SCARA5: variants seen among roughly 807,000 people sequenced by gnomAD.
SCARA5 encodes the protein scavenger receptor class A member 5, also known as scavenger receptor class A, member 5 (putative).
SCARA5 carries 45 observed loss-of-function variants against 46.3 expected under a neutral mutation model. That is an observed-to-expected ratio of 0.97 (90% CI 0.76 to 1.24). The LOEUF (loss-of-function observed/expected upper bound fraction) is 1.24. SCARA5 is among the 50% of genes most tolerant of loss of function. The probability of loss-of-function intolerance (pLI) is 0.00; values close to 1 mark genes in which losing one functional copy is unlikely to be tolerated. For synonymous variants in SCARA5, 333 were observed against 306.5 expected (o/e 1.09, Z -0.90); for missense variants, 680 against 689.0 (o/e 0.99, Z 0.15).
chr8:27,966,450 C>G lies in SCARA5; in HGVS notation c.205G>C (p.Val69Leu), dbSNP rs756008254. 3 of 1,613,446 alleles carry G rather than the reference C, an allele frequency of 1.9e-6. No individual in the cohort carries two copies. In the East Asian group the frequency reaches 6.7e-5, roughly 36 times the overall value. Residue 69 changes from valine to leucine, a missense_variant, in exon 3 of 9, where the codon GTC becomes CTC. Physicochemically the swap from Val to Leu is conservative, Grantham distance 32. Coordinates refer to ENST00000354914, the MANE Select transcript of SCARA5 (RefSeq NM_173833.6). Reference protein sequence around the residue: ...KHAVLGLYLLVFLILVGIFIL... With the variant: ...KHAVLGLYLLLFLILVGIFIL... ...AAGATGCCCACAAGAATCAGGAAGACCAGCAGGTAGAGCCCCAGGACAGCA... is the reference window on the plus strand; with the variant it reads ...AAGATGCCCACAAGAATCAGGAAGAGCAGCAGGTAGAGCCCCAGGACAGCA...
Position 27,879,569 on chromosome 8 carries a change from C to T in SCARA5, c.1351G>A (p.Gly451Ser). The T allele has an allele frequency of 1.2e-6, 2 of 1,606,164 alleles. No individual in the cohort carries two copies. Among genetic ancestry groups the T allele is most frequent in the Non-Finnish European group, 1.7e-6 (2 of 1,179,864 alleles). Residue 451 changes from glycine (G) to serine (S), a missense_variant and splice_region_variant, in exon 8 of 9, where the codon GGC becomes AGC. By Grantham distance (56) the Gly-to-Ser change is moderately conservative. Around this residue, in one of 3 missense-constraint regions of SCARA5, gnomAD observed 219 missense variants for 269.5 expected, o/e 0.81. Transcript: ENST00000354914. The stretch of plus-strand genomic sequence containing the variant: ...GTTTTTTGCCCTCAGAGCGCCTTAC[C>T]TTGCCCGAATCGAGCTGTGCGGTAC... ...EVYRTARFGQGTGRIWMDDVA... is the reference protein window; with the variant it reads ...EVYRTARFGQSTGRIWMDDVA...
At chr8:27,906,964 C>CG (rs1807272356) in intron 6 of SCARA5, among the ~76,000 whole-genome samples, 184 bp downstream of exon 6, 2 of 152,168 alleles carry the variant, frequency 1.3e-5, no homozygotes, top group Non-Finnish European at 2.9e-5. Flanking sequence ...GTCACCACAC[C>CG]TGGCTGAGGG....
At chr8:27,897,493 C>T (rs1392438326) in intron 7 of SCARA5, among the ~76,000 whole-genome samples, 5 of 152,260 alleles carry the variant, frequency 3.3e-5, no homozygotes, top group African/African-American at 2.4e-5. Flanking sequence ...CACTGGTTTT[C>T]ATAGATGATT....
chr8:27,957,535 T>C (rs1585512959), intron 3 of SCARA5, among the ~76,000 whole-genome samples: 1 of 152,152 alleles, frequency 6.6e-6, no homozygotes, highest in African/African-American at 2.4e-5. Context: ...AAAGTCACGG[T>C]TTGTACCCTG....
chr8:27,978,930 T>C (rs1168670506), intron 2 of SCARA5, among the ~76,000 whole-genome samples: 1 of 152,130 alleles, frequency 6.6e-6, no homozygotes, highest in African/African-American at 2.4e-5. Flanking sequence ...GGCTCTCTTA[T>C]CCTACTCCAC....
intron 6 of SCARA5, among the ~76,000 whole-genome samples, chr8:27,905,054 C>T (rs558687692): frequency 1.1e-4 from 16 of 152,042 alleles, no homozygotes; most frequent in Admixed American, 7.2e-4. Context: ...AAATCCCACC[C>T]GTTTGTAAAG....
At chr8:27,881,410 T>G (rs147984994) in intron 7 of SCARA5, among the ~76,000 whole-genome samples, 1,839 of 151,044 alleles carry the variant, frequency 0.012, 43 homozygotes, top group African/African-American at 0.043. Flanking sequence ...GCAACATGGA[T>G]GCAGCTGGAG....
At chr8:27,948,713 G>C (rs189455598) in intron 3 of SCARA5, among the ~76,000 whole-genome samples, 4 of 152,194 alleles carry the variant, frequency 2.6e-5, no homozygotes, top group Admixed American at 2.6e-4. Flanking sequence ...TGTGGGACTC[G>C]CTCCAAGACT....
chr8:27,885,138 G>A (rs1806874536), intron 7 of SCARA5, among the ~76,000 whole-genome samples: 1 of 151,970 alleles, frequency 6.6e-6, no homozygotes, highest in Admixed American at 6.6e-5. Flanking sequence ...ACAAGGGAGG[G>A]AATGAGAGGG....
In SCARA5 at chr8:27,882,431, C is replaced by T. The variant is rs1006512597; in HGVS notation, c.1154-2665G>A. On this transcript the variant is annotated intron_variant, in intron 7 of 8. Transcript: ENST00000354914. ...ATCAAGGAGTGTGATTACCAGATTT[C>T]TCTCCACTGTTTGAGACCCGGTGAC... 3.3e-5 allele frequency among the ~76,000 whole-genome samples: 5 copies of T among 152,182 alleles called. 1 individual carries two copies. Among genetic ancestry groups the T allele is most frequent in the Admixed American group, 2.0e-4 (3 of 15,282 alleles).
At chr8:27,920,397 G>T (rs1397606255) in intron 4 of SCARA5, among the ~76,000 whole-genome samples, 3 of 151,704 alleles carry the variant, frequency 2.0e-5, no homozygotes, top group Admixed American at 6.6e-5. Context: ...AGGATCACCT[G>T]AGGTCAGGAG....
chr8:27,978,960 G>A (rs542237008), intron 2 of SCARA5, among the ~76,000 whole-genome samples: 2 of 152,186 alleles, frequency 1.3e-5, no homozygotes, highest in South Asian at 2.1e-4. Context: ...CACGTTATCA[G>A]GTAACACACT....
At chr8:27,905,531 GGA>G (rs141194192) in intron 6 of SCARA5, among the ~76,000 whole-genome samples, 38,637 of 113,846 alleles carry the variant, frequency 0.34, 15,168 homozygotes, top group Middle Eastern at 0.45. Flanking sequence ...TTTGGGGGGG[GGA>G]AAAAAAAAAG....
intron 3 of SCARA5, among the ~76,000 whole-genome samples, chr8:27,923,820 G>A (rs10110276): frequency 0.56 from 85,279 of 151,546 alleles, 24,774 homozygotes; most frequent in Middle Eastern, 0.71. Flanking sequence ...TGATCTGCCC[G>A]CCTTGGCCTC....
At chr8:27,959,856 TGG>T (rs1808267781) in intron 3 of SCARA5, among the ~76,000 whole-genome samples, 1 of 152,202 alleles carries the variant, frequency 6.6e-6, no homozygotes, top group South Asian at 2.1e-4. Context: ...CTCCGTGCCA[TGG>T]GTGGAGCCAT....
At chr8:27,980,633 A>C (rs1437836323) in intron 2 of SCARA5, among the ~76,000 whole-genome samples, 2 of 152,114 alleles carry the variant, frequency 1.3e-5, no homozygotes, top group African/African-American at 4.8e-5. Context: ...GCCTCCTGGA[A>C]ACAGCAGCCT....
At chr8:27,947,800 G>T (rs192889668) in intron 3 of SCARA5, among the ~76,000 whole-genome samples, 1 of 152,054 alleles carries the variant, frequency 6.6e-6, no homozygotes, top group South Asian at 2.1e-4. Flanking sequence ...GCTTGAACCC[G>T]GGAGGCAGAG....
intron 3 of SCARA5, among the ~76,000 whole-genome samples, chr8:27,965,972 G>C (rs1004289324): frequency 1.3e-5 from 2 of 152,154 alleles, no homozygotes; most frequent in Non-Finnish European, 2.9e-5. Flanking sequence ...GGCTGAATTG[G>C]GGCAAACCCA....
At chr8:27,877,379 G>A (rs1265314658) in intron 8 of SCARA5, among the ~76,000 whole-genome samples, 1 of 152,160 alleles carries the variant, frequency 6.6e-6, no homozygotes, top group Non-Finnish European at 1.5e-5. Context: ...CAAGTGACAA[G>A]CTTAGAGCTT....
Sources: gnomAD v4.1 joint callset for allele counts (sites outside exome capture counted in the v4.1 genomes callset) on GRCh38, gnomAD v4.1.1 for gene constraint, gnomAD v4.1.1 regional missense constraint, MANE v1.5 for transcripts, NCBI Gene and HGNC (gene_info 2026-07-23, HGNC 2026-07-21) for gene names.